The following ARHGEF11 variants were observed in gnomAD, a reference collection of about 807,000 sequenced individuals.
ARHGEF11 encodes Rho guanine exchange factor (GEF) 11.
A neutral mutation model predicts 193.7 loss-of-function variants in ARHGEF11; 55 were observed. The ratio of observed to expected loss-of-function variants is 0.28; its 90% CI spans 0.23 to 0.36. The LOEUF (loss-of-function observed/expected upper bound fraction) is 0.36. ARHGEF11 is among the 10% of genes least tolerant of loss of function. ARHGEF11 has a pLI of 1.00. For synonymous variants in ARHGEF11, 693 were observed against 768.0 expected (o/e 0.90, Z 1.62); for missense variants, 1,723 against 2,005.6 (o/e 0.86, Z 2.69).
intron 3 of ARHGEF11, 119 bp downstream of exon 3, chr1:156,984,220 A>G: frequency 2.6e-6 from 2 of 763,140 alleles, no homozygotes; most frequent in East Asian, 6.1e-5. Flanking sequence ...CCCATGGAGA[A>G]CCAGTTCTAG....
chr1:156,950,105 G>A (rs777255073), intron 22 of ARHGEF11, among the ~76,000 whole-genome samples: 3 of 152,020 alleles, frequency 2.0e-5, no homozygotes, highest in Non-Finnish European at 4.4e-5. Context: ...ATATATCTAC[G>A]ACATCATGTG....
intron 14 of ARHGEF11, among the ~76,000 whole-genome samples, chr1:156,961,119 T>C (rs1660769089): frequency 6.6e-6 from 1 of 152,262 alleles, no homozygotes; most frequent in Non-Finnish European, 1.5e-5. Context: ...TTAGAAAGTC[T>C]GGGATGGCGA....
chr1:156,944,525 G>T, intron 30 of ARHGEF11, 92 bp from the exon 31 acceptor site: 2 of 1,365,244 alleles, frequency 1.5e-6, no homozygotes, highest in Non-Finnish European at 2.1e-6. Context: ...GTGTTAAGGT[G>T]CTGGGAATTG....
chr1:156,965,710 G>A (rs1476620861), intron 11 of ARHGEF11, among the ~76,000 whole-genome samples: 1 of 152,196 alleles, frequency 6.6e-6, no homozygotes, highest in Non-Finnish European at 1.5e-5. Context: ...TAGGTTCAGA[G>A]AGGCTTGGTC....
Position 156,948,637 on chromosome 1 carries a change from C to T in ARHGEF11, c.1926-139G>A, listed in dbSNP as rs772903774. The T allele has an allele frequency of 1.3e-6, 2 of 1,573,610 alleles. No homozygotes were observed. Among genetic ancestry groups the T allele is most frequent in the Non-Finnish European group, 1.7e-6 (2 of 1,163,876 alleles). ...CTCCTCCTGAACATGGCCAAAGCAG[C>T]TGGATGGCAGTGGAAGCTTCTCAAT... On this transcript the variant is annotated intron_variant, in intron 22 of 40. Coordinates refer to ENST00000368194, the MANE Select transcript of ARHGEF11 (RefSeq NM_198236.3). This position sits in a 1 kb window ranked among gnomAD's most constrained non-coding sequence, Gnocchi z 4.2.
At chr1:156,962,878 CAAAAAAAAAAAAAAAAAAAA>C (rs59159449) in intron 13 of ARHGEF11, among the ~76,000 whole-genome samples, 4 of 21,286 alleles carry the variant, frequency 1.9e-4, no homozygotes, top group African/African-American at 7.0e-4. Flanking sequence ...GACTCCGTCT[CAAAAAAAAAAAAAAAAAAAA>C]AAAAAAAAAA....
At chr1:157,001,503 T>C (rs1000661345) in intron 1 of ARHGEF11, among the ~76,000 whole-genome samples, 1 of 152,214 alleles carries the variant, frequency 6.6e-6, no homozygotes, top group African/African-American at 2.4e-5. Context: ...ACTAGAACAT[T>C]AGCCACTGTG....
rs763391972 is a variant in ARHGEF11 at position 156,951,600 on chromosome 1, A to G, written c.1898T>C (p.Phe633Ser). The G allele has an allele frequency of 6.2e-7, 1 of 1,614,106 alleles. No homozygotes were observed. Among genetic ancestry groups the G allele is most frequent in the Non-Finnish European group, 8.5e-7 (1 of 1,180,024 alleles). ...PGTQRLSTGSFPEDLLESDSS... is the reference protein window; with the variant it reads ...PGTQRLSTGSSPEDLLESDSS... Reference sequence around the variant, plus strand: ...GTCACTCTCCAGCAGGTCCTCAGGAAAGCTTCCGGTCGAGAGTCGTTGTGT... The same window carrying G: ...GTCACTCTCCAGCAGGTCCTCAGGAGAGCTTCCGGTCGAGAGTCGTTGTGT... Residue 633 changes from phenylalanine (F) to serine (S), a missense_variant, in exon 22 of 41, where the codon TTT becomes TCT. Phe to Ser is a radical substitution (Grantham distance 155). This residue lies in a region of ARHGEF11 where 491 missense variants were observed against 654.5 expected (regional missense o/e 0.75). Coordinates refer to ENST00000368194, the MANE Select transcript of ARHGEF11 (RefSeq NM_198236.3).
At chr1:156,995,171 C>T (rs1666303117) in intron 1 of ARHGEF11, among the ~76,000 whole-genome samples, 1 of 152,218 alleles carries the variant, frequency 6.6e-6, no homozygotes, top group Non-Finnish European at 1.5e-5. Flanking sequence ...CCCATGTCTA[C>T]TCTAGCCCCT....
chr1:157,035,774 AGG>A (rs1377967069), intron 1 of ARHGEF11, among the ~76,000 whole-genome samples: 3 of 124,478 alleles, frequency 2.4e-5, no homozygotes, highest in African/African-American at 8.8e-5. Flanking sequence ...ATATATATAC[AGG>A]AATATATATA....
intron 1 of ARHGEF11, among the ~76,000 whole-genome samples, chr1:157,013,263 TCACA>T (rs71084208): frequency 6.0e-4 from 85 of 140,808 alleles, no homozygotes; most frequent in African/African-American, 2.2e-3. Flanking sequence ...CCACTATCAC[TCACA>T]CACACACACA....
intron 28 of ARHGEF11, among the ~76,000 whole-genome samples, 193 bp from the exon 29 acceptor site, chr1:156,946,355 A>C (rs972260640): frequency 6.6e-6 from 1 of 152,154 alleles, no homozygotes; most frequent in Non-Finnish European, 1.5e-5. Context: ...CACCAATCCA[A>C]AGGGATATGG....
intron 1 of ARHGEF11, among the ~76,000 whole-genome samples, chr1:156,994,394 T>TTTA (rs1666192213): frequency 8.2e-6 from 1 of 122,232 alleles, no homozygotes; most frequent in Admixed American, 8.0e-5. Flanking sequence ...TATTGTGTGT[T>TTTA]TTTTTTTTTT....
Position 156,968,775 on chromosome 1 carries a change from C to T in ARHGEF11, c.825+507G>A, listed in dbSNP as rs141301087. Among the ~76,000 whole-genome samples, 559 of 152,272 alleles carry T rather than the reference C, an allele frequency of 3.7e-3. 5 individuals are homozygous for T. The highest frequency in any genetic ancestry group is 0.012 in the African/African-American group (511 of 41,546). ...AGTTTACATGTGCAAACTGAGAACA[C>T]CTGGAAGAGATAACCTTTGAGGTCA... is the stretch of plus-strand genomic sequence containing the variant. On this transcript the variant is annotated intron_variant, in intron 10 of 40. Coordinates refer to ENST00000368194, the MANE Select transcript of ARHGEF11 (RefSeq NM_198236.3).
intron 14 of ARHGEF11, 43 bp from the exon 15 acceptor site, chr1:156,960,503 A>G (rs573029780): frequency 1.9e-6 from 3 of 1,603,158 alleles, no homozygotes; most frequent in East Asian, 4.5e-5. Flanking sequence ...AGGTCTGCAC[A>G]CTCCAGGGAG....
chr1:156,985,923 G>C (rs1664853855), intron 2 of ARHGEF11, 159 bp downstream of exon 2: 1 of 580,090 alleles, frequency 1.7e-6, no homozygotes, highest in African/African-American at 1.9e-5. Flanking sequence ...TCATCATATT[G>C]ATGCTGAACT....
rs1654807138 is a variant in ARHGEF11 at position 156,934,963 on chromosome 1, A to AT, written c.*1036dup. 6.7e-6 allele frequency: 1 copy of AT among 148,202 alleles called. No individual in the cohort carries two copies. The highest frequency in any genetic ancestry group is 1.5e-5 in the Non-Finnish European group (1 of 67,266). 9.2% of individuals were successfully genotyped at this position (148,202 alleles called of 1,614,324 possible). On this transcript the variant is annotated 3_prime_UTR_variant, in exon 41 of 41. Coordinates refer to ENST00000368194, the MANE Select transcript of ARHGEF11 (RefSeq NM_198236.3). ...TATCTATATTTTATATATTATATATATATTTATATATATATATATGTATAT... is the reference window on the plus strand; with the variant it reads ...TATCTATATTTTATATATTATATATATTATTTATATATATATATATGTATAT...
intron 1 of ARHGEF11, among the ~76,000 whole-genome samples, chr1:157,009,115 C>A (rs1294501550): frequency 6.6e-6 from 1 of 152,158 alleles, no homozygotes; most frequent in African/African-American, 2.4e-5. Flanking sequence ...TCCTAGGGGG[C>A]AGTTTAGTAT....
chr1:156,941,169 A>G (rs1656809866), intron 35 of ARHGEF11, among the ~76,000 whole-genome samples: 2 of 152,056 alleles, frequency 1.3e-5, no homozygotes. Context: ...CAGGTGAGCG[A>G]GTTCACCCTT....
Sources: allele counts gnomAD v4.1 joint callset (sites outside exome capture counted in the v4.1 genomes callset), GRCh38; gene constraint gnomAD v4.1.1; regional missense constraint gnomAD v4.1.1; non-coding constraint Gnocchi (gnomAD v3.1); transcripts MANE v1.5; gene names NCBI Gene and HGNC (gene_info 2026-07-23, HGNC 2026-07-21).